VPS13B: variants seen among roughly 807,000 people sequenced by gnomAD.
VPS13B encodes vacuolar protein sorting 13 homolog B, also known as intermembrane lipid transfer protein VPS13B.
VPS13B carries 285 observed loss-of-function variants against 426.4 expected under a neutral mutation model. That is an observed-to-expected ratio of 0.67 (90% confidence interval 0.61 to 0.74). The LOEUF (loss-of-function observed/expected upper bound fraction) is 0.74, where lower values mean the gene tolerates loss of function less well. Among genes scored for constraint, VPS13B ranks in the 30% least tolerant of loss-of-function variants. The probability of loss-of-function intolerance (pLI) is 0.00; values close to 1 mark genes in which losing one functional copy is unlikely to be tolerated. For missense variants in VPS13B, 4,537 were observed against 4,782.6 expected (o/e 0.95, Z 1.51); for synonymous variants, 1,676 against 1,676.4 (o/e 1.00, Z 0.01).
chr8:99,507,192 G>GA lies in VPS13B; in HGVS notation c.4218dup (p.Ser1407IlefsTer39), dbSNP rs754660287. The GA allele has an allele frequency of 1.2e-6, 2 of 1,613,896 alleles. No homozygotes were observed. Among genetic ancestry groups the GA allele is most frequent in the East Asian group, 4.5e-5 (2 of 44,846 alleles). ...TGAAGGAGTATTTCTACAATGCAAA[G>GA]AAAAATCTGTGGTGAGACCCATTTA... On this transcript the variant is annotated frameshift_variant, in exon 28 of 62. Transcript: ENST00000357162. LOFTEE classifies it high-confidence loss of function.
intron 3 of VPS13B, among the ~76,000 whole-genome samples, chr8:99,067,138 A>G (rs1055289337): frequency 6.6e-6 from 1 of 152,230 alleles, no homozygotes; most frequent in Non-Finnish European, 1.5e-5. Context: ...CCATCCCGTT[A>G]CTAGGTATAT....
chr8:99,767,068 T>C, intron 40 of VPS13B, 98 bp downstream of exon 40: 2 of 1,198,188 alleles, frequency 1.7e-6, no homozygotes. Context: ...GTATCTCAGC[T>C]GTCTAGCAGC....
chr8:99,853,779 A>G lies in VPS13B; in HGVS notation c.10390A>G (p.Ile3464Val). 2 of 1,614,266 alleles carry G rather than the reference A, an allele frequency of 1.2e-6. No homozygotes were observed. The highest frequency in any genetic ancestry group is 1.1e-5 in the South Asian group (1 of 91,080). ...IQCSKMQSLL[I>V]SNKELEEYKE... Reference sequence around the variant, plus strand: ...GTGTTCCAAAATGCAGAGTCTCCTCATATCCAACAAAGAGTTGGAAGAATA... The same window carrying G: ...GTGTTCCAAAATGCAGAGTCTCCTCGTATCCAACAAAGAGTTGGAAGAATA... The change falls in exon 56 of 62, where the codon ATA (isoleucine) becomes GTA (valine). Residue 3464 changes from isoleucine to valine, a missense_variant. Ile to Val is a conservative substitution (Grantham distance 29, BLOSUM62 3). Transcript: ENST00000357162.
intron 19 of VPS13B, among the ~76,000 whole-genome samples, chr8:99,310,954 G>C (rs1820933173): frequency 6.6e-6 from 1 of 152,136 alleles, no homozygotes; most frequent in Admixed American, 6.5e-5. Context: ...TAATTTATTT[G>C]CGTAGAGGTG....
intron 22 of VPS13B, among the ~76,000 whole-genome samples, chr8:99,441,887 G>C (rs1272665222): frequency 6.6e-6 from 1 of 152,056 alleles, no homozygotes; most frequent in East Asian, 1.9e-4. Context: ...GTATATAAAA[G>C]TGAAAGTATG....
chr8:99,704,347 T>C (rs1037719383), intron 36 of VPS13B, among the ~76,000 whole-genome samples: 4 of 152,214 alleles, frequency 2.6e-5, no homozygotes, highest in African/African-American at 7.2e-5. Context: ...AGGTCATTAA[T>C]TGATAAAAAG....
At chr8:99,045,157 T>G (rs1162171330) in intron 3 of VPS13B, among the ~76,000 whole-genome samples, 2 of 152,220 alleles carry the variant, frequency 1.3e-5, no homozygotes, top group Non-Finnish European at 2.9e-5. Flanking sequence ...TGTACTAGTT[T>G]ACATTCCCAC....
chr8:99,165,196 A>G (rs1811929542), intron 15 of VPS13B, among the ~76,000 whole-genome samples: 1 of 152,210 alleles, frequency 6.6e-6, no homozygotes, highest in Non-Finnish European at 1.5e-5. Context: ...AGAACTGTTT[A>G]AATCTGCTGT....
intron 33 of VPS13B, among the ~76,000 whole-genome samples, chr8:99,599,491 ATG>A (rs1827183904): frequency 6.6e-6 from 1 of 152,102 alleles, no homozygotes; most frequent in Non-Finnish European, 1.5e-5. Context: ...CCAAGTAAAA[ATG>A]TGACAAATGA....
At chr8:99,230,202 A>G (rs1366780390) in intron 17 of VPS13B, among the ~76,000 whole-genome samples, 3 of 152,178 alleles carry the variant, frequency 2.0e-5, no homozygotes, top group Non-Finnish European at 4.4e-5. Flanking sequence ...ATAGCTCTGA[A>G]AAAAGTAAAT....
chr8:99,060,134 A>G (rs1474957646), intron 3 of VPS13B, among the ~76,000 whole-genome samples: 1 of 152,148 alleles, frequency 6.6e-6, no homozygotes, highest in East Asian at 1.9e-4. Context: ...ATACTTGTAG[A>G]TGGATGACAG....
intron 25 of VPS13B, among the ~76,000 whole-genome samples, chr8:99,497,689 T>C (rs2133599684): frequency 1.3e-5 from 2 of 152,192 alleles, no homozygotes; most frequent in South Asian, 4.1e-4. Flanking sequence ...TTTGCTGTAG[T>C]AGCAAAACTC....
At chr8:99,474,066 A>T (rs2133532887) in intron 24 of VPS13B, among the ~76,000 whole-genome samples, 1 of 152,252 alleles carries the variant, frequency 6.6e-6, no homozygotes, top group South Asian at 2.1e-4. Context: ...TGATCTTGAT[A>T]TTGGGCGTAA....
At chr8:99,544,991 C>A (rs1395023723) in intron 30 of VPS13B, among the ~76,000 whole-genome samples, 1 of 152,130 alleles carries the variant, frequency 6.6e-6, no homozygotes, top group Non-Finnish European at 1.5e-5. Flanking sequence ...GTGCTCTGAA[C>A]CACTACACCA....
At chr8:99,360,172 TTCTTTCTTTCTTTCTTTC>T (rs1238834385) in intron 19 of VPS13B, among the ~76,000 whole-genome samples, 1,038 of 42,726 alleles carry the variant, frequency 0.024, 26 homozygotes, top group African/African-American at 0.029. Context: ...CTTTCTTTCT[TTCTTTCTTTCTTTCTTTC>T]TCTCTCTCTC....
chr8:99,088,849 G>T (rs1845985879), intron 3 of VPS13B, among the ~76,000 whole-genome samples: 1 of 152,048 alleles, frequency 6.6e-6, no homozygotes, highest in Non-Finnish European at 1.5e-5. Context: ...CCTAAATTGG[G>T]CTATCCATTA....
intron 42 of VPS13B, 48 bp from the exon 43 acceptor site, chr8:99,784,267 T>G: frequency 1.2e-6 from 2 of 1,612,902 alleles, no homozygotes; most frequent in Non-Finnish European, 1.7e-6. Flanking sequence ...GCCAAACATC[T>G]TACAATTAAT....
In VPS13B at chr8:99,818,831, A is replaced by C; in HGVS notation, c.8564A>C (p.Glu2855Ala). ...ETQIIPGKGQ[E>A]KPLQNIEPDL... ...CAAATTATTCCAGGAAAAGGGCAGG[A>C]AAAACCACTGCAAAACATAGAACCT... The change falls in exon 47 of 62, where the codon GAA (glutamate) becomes GCA (alanine). Residue 2855 changes from glutamate (E) to alanine (A), a missense_variant. Transcript: ENST00000357162. 1 of 1,614,070 alleles carries C rather than the reference A, an allele frequency of 6.2e-7. No homozygotes were observed.
chr8:99,558,635 C>T (rs1371278296), intron 31 of VPS13B, among the ~76,000 whole-genome samples: 2 of 152,128 alleles, frequency 1.3e-5, no homozygotes, highest in African/African-American at 4.8e-5. Flanking sequence ...GTTCAATTCC[C>T]ACCTATGAGT....
Sources: allele counts gnomAD v4.1 joint callset (sites outside exome capture counted in the v4.1 genomes callset), GRCh38; gene constraint gnomAD v4.1.1; transcripts MANE v1.5; gene names NCBI Gene and HGNC (gene_info 2026-07-23, HGNC 2026-07-21).